The following EP300 variants were observed in gnomAD, a reference collection of about 807,000 sequenced individuals.
The protein encoded by EP300 is histone acetyltransferase p300.
Under a neutral mutation model 264.0 loss-of-function variants are expected in EP300, and 31 were observed. The observed-to-expected ratio is 0.12, with a 90% CI of 0.09 to 0.16. The LOEUF (loss-of-function observed/expected upper bound fraction) is 0.16, where lower values mean the gene tolerates loss of function less well. Ranked by LOEUF, EP300 falls within the 10% of genes least tolerant of loss-of-function variation. EP300 has a pLI of 1.00. For synonymous variants in EP300, 1,340 were observed against 1,045.4 expected (o/e 1.28, Z -5.44); for missense variants, 2,766 against 3,052.9 (o/e 0.91, Z 2.21).
In EP300 at chr22:41,178,523, C is replaced by T; in HGVS notation, c.6812C>T (p.Ser2271Phe). The T allele has an allele frequency of 2.5e-6, 4 of 1,614,052 alleles. No homozygotes were observed. The highest frequency in any genetic ancestry group is 3.4e-6 in the Non-Finnish European group (4 of 1,179,994). The change falls in exon 31 of 31, where the codon TCC becomes TTC. Residue 2271 changes from serine to phenylalanine, a missense_variant. Ser to Phe is a radical substitution (Grantham distance 155). Transcript: ENST00000263253. ...CGACTCCTTCAGCAACAGATGGGGT[C>T]CCCTGTTCAGCCCAACCCCATGAGC... is the stretch of plus-strand genomic sequence containing the variant. Reference protein sequence around the residue: ...QQRLLQQQMGSPVQPNPMSPQ... With the variant: ...QQRLLQQQMGFPVQPNPMSPQ...
chr22:41,111,321 C>G (rs1407513430), intron 1 of EP300, among the ~76,000 whole-genome samples: 3 of 152,144 alleles, frequency 2.0e-5, no homozygotes, highest in African/African-American at 7.2e-5. Flanking sequence ...TGCTGGCATA[C>G]AGAAATTCAC....
At chr22:41,142,711 C>G (rs1324583286) in intron 10 of EP300, among the ~76,000 whole-genome samples, 1 of 152,010 alleles carries the variant, frequency 6.6e-6, no homozygotes, top group Non-Finnish European at 1.5e-5. Context: ...CGGTGAAACC[C>G]CATCTCTACT....
intron 12 of EP300, chr22:41,148,758 C>T (rs2059026310): frequency 2.1e-6 from 1 of 487,066 alleles, no homozygotes; most frequent in East Asian, 3.8e-5. Context: ...TATCCTTGTG[C>T]TAGGCATATT....
chr22:41,099,788 A>G (rs904410216), intron 1 of EP300, among the ~76,000 whole-genome samples: 11 of 152,222 alleles, frequency 7.2e-5, no homozygotes, highest in African/African-American at 2.2e-4. Flanking sequence ...GCCCTGCCCC[A>G]TAGTCAGTCT....
intron 6 of EP300, among the ~76,000 whole-genome samples, chr22:41,135,225 G>C (rs1016633836): frequency 6.6e-6 from 1 of 152,168 alleles, no homozygotes; most frequent in African/African-American, 2.4e-5. Flanking sequence ...ATGTTACGCA[G>C]AATGCACTTA....
At chr22:41,143,988 T>C (rs576739246) in intron 10 of EP300, among the ~76,000 whole-genome samples, 147 of 152,330 alleles carry the variant, frequency 9.7e-4, no homozygotes, top group African/African-American at 1.8e-3. Flanking sequence ...AGTAAACTTA[T>C]GTAACGTGTA....
Position 41,177,941 on chromosome 22 carries a change from A to C in EP300, c.6230A>C (p.Asn2077Thr). ...QQQVLSILHA[N>T]PQLLAAFIKQ... ...CAGGTGCTTAGTATCCTTCACGCCA[A>C]CCCCCAGCTGTTGGCTGCATTCATC... is the stretch of plus-strand genomic sequence containing the variant. The change falls in exon 31 of 31, where the codon AAC becomes ACC. Residue 2077 changes from asparagine to threonine, a missense_variant. Asn to Thr is a moderately conservative substitution (Grantham distance 65). Transcript: ENST00000263253. 6.2e-7 allele frequency: 1 copy of C among 1,613,838 alleles called. No homozygotes were observed. Among genetic ancestry groups the C allele is most frequent in the Non-Finnish European group, 8.5e-7 (1 of 1,179,958 alleles).
At chr22:41,176,077 AGGTGTGGT>A (rs1175619997) in intron 29 of EP300, 162 bp from the exon 30 acceptor site, 2 of 724,856 alleles carry the variant, frequency 2.8e-6, no homozygotes, top group Non-Finnish European at 4.6e-6. Flanking sequence ...GAAATTAGCC[AGGTGTGGT>A]GGTGTGGGCC....
At chr22:41,104,476 C>G (rs1453675669) in intron 1 of EP300, among the ~76,000 whole-genome samples, 29 of 151,802 alleles carry the variant, frequency 1.9e-4, no homozygotes, top group African/African-American at 5.5e-4. Flanking sequence ...TTTTAGTAGA[C>G]ACAGGGTTTT....
At chr22:41,133,621 C>T (rs1049685740) in intron 6 of EP300, among the ~76,000 whole-genome samples, 2 of 152,176 alleles carry the variant, frequency 1.3e-5, no homozygotes, top group African/African-American at 4.8e-5. Context: ...GAATATCATT[C>T]ACAAAGTTTT....
chr22:41,121,560 T>A (rs1279379465), intron 2 of EP300, among the ~76,000 whole-genome samples: 8 of 152,166 alleles, frequency 5.3e-5, no homozygotes, highest in Admixed American at 4.6e-4. Flanking sequence ...TGCCAGCTGA[T>A]CAGCAATCAG....
At chr22:41,145,150 ATTGTT>A (rs2059003647) in intron 10 of EP300, among the ~76,000 whole-genome samples, 1 of 152,236 alleles carries the variant, frequency 6.6e-6, no homozygotes, top group Non-Finnish European at 1.5e-5. Context: ...AGGTGAAAAC[ATTGTT>A]TTGTAGATAG....
intron 4 of EP300, 95 bp from the exon 5 acceptor site, chr22:41,129,795 G>A: frequency 1.2e-6 from 1 of 865,596 alleles, no homozygotes; most frequent in Non-Finnish European, 1.9e-6. Flanking sequence ...ATAAGTTAAT[G>A]CATTTATGTT....
In EP300 at chr22:41,152,262, G is replaced by C. The variant is rs2145740823; in HGVS notation, c.3054G>C (p.Glu1018Asp). ...CCGAAACAGAAGAGAGAAGCACTGA[G>C]TTAAAAACTGAAATAAAAGAGGAGG... ...ESTETEERST[E>D]LKTEIKEEED... The change falls in exon 16 of 31, where the codon GAG becomes GAC. Residue 1018 changes from glutamate to aspartate, a missense_variant. By Grantham distance (45) the Glu-to-Asp change is conservative. Coordinates refer to ENST00000263253, the MANE Select transcript of EP300 (RefSeq NM_001429.4). 1 of 1,614,150 alleles carries C rather than the reference G, an allele frequency of 6.2e-7. No homozygotes were observed.
chr22:41,163,923 C>T, intron 21 of EP300, 130 bp from the exon 22 acceptor site: 1 of 885,604 alleles, frequency 1.1e-6, no homozygotes. Context: ...AAAATAGAAA[C>T]TTTATTAAAA....
chr22:41,164,109 A>G lies in EP300; in HGVS notation c.3785A>G (p.His1262Arg). Reference sequence around the variant, plus strand: ...ATGCATCAGATCTGTGTCCTTCACCATGAGATCATCTGGCCTGCTGGGTAA... The same window carrying G: ...ATGCATCAGATCTGTGTCCTTCACCGTGAGATCATCTGGCCTGCTGGGTAA... ...RKMHQICVLH[H>R]EIIWPAGFVC... is the part of the protein sequence containing the mutation. The change falls in exon 22 of 31, where the codon CAT (histidine) becomes CGT (arginine). Residue 1262 changes from histidine to arginine, a missense_variant. By Grantham distance (29) the His-to-Arg change is conservative. Transcript: ENST00000263253. The G allele has an allele frequency of 6.2e-7, 1 of 1,614,150 alleles. No individual in the cohort carries two copies. Among genetic ancestry groups the G allele is most frequent in the Non-Finnish European group, 8.5e-7 (1 of 1,180,018 alleles).
rs868794423 is a variant in EP300 at position 41,145,900 on chromosome 22, G to T, written c.2054-839G>T. 2.6e-4 allele frequency among the ~76,000 whole-genome samples: 39 copies of T among 152,170 alleles called. 1 individual carries two copies. In the Middle Eastern group the frequency reaches 0.02, roughly 80 times the overall value. On this transcript the variant is annotated intron_variant, in intron 10 of 30. Coordinates refer to ENST00000263253, the MANE Select transcript of EP300 (RefSeq NM_001429.4). Reference sequence around the variant, plus strand: ...TCCGCCCGCCTCGGCCTCCCAAAGTGCTGGGATTACAGGATATTTTATTTT... The same window carrying T: ...TCCGCCCGCCTCGGCCTCCCAAAGTTCTGGGATTACAGGATATTTTATTTT...
At chr22:41,110,001 A>G (rs1276100826) in intron 1 of EP300, among the ~76,000 whole-genome samples, 6 of 151,496 alleles carry the variant, frequency 4.0e-5, no homozygotes, top group Non-Finnish European at 7.4e-5. Context: ...TTTAGTAGAG[A>G]TGGGGTTTCA....
At chr22:41,171,161 G>A (rs1464697342) in intron 27 of EP300, among the ~76,000 whole-genome samples, 7 of 151,518 alleles carry the variant, frequency 4.6e-5, no homozygotes, top group African/African-American at 1.5e-4. Flanking sequence ...TTTTTGGGGG[G>A]AGGGTGGGGA....
Sources: gnomAD v4.1 joint callset for allele counts (sites outside exome capture counted in the v4.1 genomes callset) on GRCh38, gnomAD v4.1.1 for gene constraint, MANE v1.5 for transcripts, NCBI Gene and HGNC (gene_info 2026-07-23, HGNC 2026-07-21) for gene names.